EFCAB6: variants seen among roughly 807,000 people sequenced by gnomAD.
EFCAB6 encodes the protein EF-hand calcium-binding domain-containing protein 6.
Under a neutral mutation model 169.8 loss-of-function variants are expected in EFCAB6, and 156 were observed. That is an observed-to-expected ratio of 0.92 (90% CI 0.81 to 1.05). The LOEUF is 1.05. EFCAB6 is among the 50% of genes least tolerant of loss of function. EFCAB6 has a pLI of 0.00. For missense variants in EFCAB6, 1,800 were observed against 1,829.1 expected, an observed-to-expected ratio of 0.98 and a Z score of 0.29; for synonymous variants, 698 against 676.4, an observed-to-expected ratio of 1.03 and a Z score of -0.50.
At chr22:43,569,525 A>G (rs2049695529) in intron 26 of EFCAB6, among the ~76,000 whole-genome samples, 1 of 152,200 alleles carries the variant, frequency 6.6e-6, no homozygotes, top group Admixed American at 6.5e-5. Flanking sequence ...TGAGGAGGAG[A>G]AGTGGATGCA....
At chr22:43,620,433 A>G (rs1390398663) in intron 20 of EFCAB6, among the ~76,000 whole-genome samples, 2 of 152,074 alleles carry the variant, frequency 1.3e-5, no homozygotes, top group Non-Finnish European at 2.9e-5. Context: ...CCAGAAGACC[A>G]TGGAACAACA....
intron 20 of EFCAB6, among the ~76,000 whole-genome samples, chr22:43,619,204 A>G (rs2053956796): frequency 2.0e-5 from 3 of 152,300 alleles, no homozygotes; most frequent in East Asian, 1.9e-4. Flanking sequence ...ACTGACTTCT[A>G]GGTGGTGCAC....
At position 43,610,138 on chromosome 22, in the gene EFCAB6, A is replaced by C. The variant is rs760041030; in HGVS notation, c.2563-1538T>G. Among the ~76,000 whole-genome samples the C allele has an allele frequency of 1.8e-4, 28 of 152,232 alleles. 1 individual carries two copies. Among genetic ancestry groups the C allele is most frequent in the Middle Eastern group, 3.4e-3 (1 of 294 alleles). ...TGACTCCAGAGTAGAATTCTTAAAC[A>C]AGATCTACAGAGAGATGTTAGTAAA... is the stretch of plus-strand genomic sequence containing the variant. On this transcript the variant is annotated intron_variant, in intron 21 of 31. Coordinates refer to ENST00000262726, the MANE Select transcript of EFCAB6 (RefSeq NM_022785.4).
chr22:43,715,387 T>C (rs912905935), intron 9 of EFCAB6, among the ~76,000 whole-genome samples: 4 of 152,168 alleles, frequency 2.6e-5, no homozygotes, highest in Non-Finnish European at 5.9e-5. Flanking sequence ...GCGCTGCTCA[T>C]GGGGTTGCTG....
chr22:43,794,228 G>A (rs16991015), intron 2 of EFCAB6, among the ~76,000 whole-genome samples: 4,955 of 152,220 alleles, frequency 0.033, 175 homozygotes, highest in African/African-American at 0.087. Context: ...AAAGCCAGCC[G>A]CAAACATTAC....
intron 4 of EFCAB6, among the ~76,000 whole-genome samples, chr22:43,771,060 G>A (rs2061453418): frequency 6.6e-6 from 1 of 152,174 alleles, no homozygotes; most frequent in Non-Finnish European, 1.5e-5. Context: ...ACAGTGGGTT[G>A]TAGTACACAG....
At chr22:43,731,526 T>C (rs1434202938) in intron 8 of EFCAB6, among the ~76,000 whole-genome samples, 173 bp downstream of exon 8, 2 of 152,238 alleles carry the variant, frequency 1.3e-5, no homozygotes, top group African/African-American at 4.8e-5. Context: ...CATTTAGCCT[T>C]TTCCTATTCT....
intron 17 of EFCAB6, among the ~76,000 whole-genome samples, chr22:43,665,727 G>A (rs2057216694): frequency 6.6e-6 from 1 of 152,190 alleles, no homozygotes; most frequent in Non-Finnish European, 1.5e-5. Context: ...CTGGTTATCG[G>A]CCACCTGGTC....
At chr22:43,600,632 C>A (rs1254959942) in intron 22 of EFCAB6, among the ~76,000 whole-genome samples, 1 of 149,936 alleles carries the variant, frequency 6.7e-6, no homozygotes, top group African/African-American at 2.5e-5. Context: ...GTCAACCCCT[C>A]CATACGTTTA....
intron 26 of EFCAB6, among the ~76,000 whole-genome samples, chr22:43,571,812 T>C (rs1164376565): frequency 1.3e-5 from 2 of 152,178 alleles, no homozygotes; most frequent in Non-Finnish European, 2.9e-5. Context: ...CGGTCACCCC[T>C]TGCTCCACGG....
intron 26 of EFCAB6, among the ~76,000 whole-genome samples, chr22:43,558,481 G>A (rs2048838459): frequency 6.6e-6 from 1 of 152,066 alleles, no homozygotes; most frequent in Admixed American, 6.5e-5. Flanking sequence ...AAGGATTGTG[G>A]CAACCCTGTG....
intron 2 of EFCAB6, among the ~76,000 whole-genome samples, chr22:43,807,942 G>T (rs1033030750): frequency 3.3e-5 from 5 of 152,096 alleles, no homozygotes; most frequent in African/African-American, 1.2e-4. Flanking sequence ...CAGGCATAGG[G>T]TCAAACTGGC....
intron 20 of EFCAB6, among the ~76,000 whole-genome samples, chr22:43,623,528 T>G (rs2147800621): frequency 6.6e-6 from 1 of 152,230 alleles, no homozygotes; most frequent in Admixed American, 6.5e-5. Context: ...TATTGTGTTT[T>G]TATGATACAG....
intron 24 of EFCAB6, among the ~76,000 whole-genome samples, chr22:43,588,908 C>G (rs1366709583): frequency 2.6e-5 from 4 of 151,862 alleles, no homozygotes; most frequent in Admixed American, 6.6e-5. Flanking sequence ...GAATGTGGAG[C>G]AAACCAAAAC....
At chr22:43,738,504 C>G (rs943538802) in intron 6 of EFCAB6, among the ~76,000 whole-genome samples, 1 of 146,804 alleles carries the variant, frequency 6.8e-6, no homozygotes, top group African/African-American at 2.6e-5. Flanking sequence ...CACATATACT[C>G]ACACACACCA....
chr22:43,637,578 G>A (rs968578035), intron 17 of EFCAB6, among the ~76,000 whole-genome samples: 1 of 152,232 alleles, frequency 6.6e-6, no homozygotes, highest in Non-Finnish European at 1.5e-5. Context: ...TGAGAAAAAA[G>A]GGAAGGGATG....
At chr22:43,623,711 T>C (rs79175463) in intron 20 of EFCAB6, among the ~76,000 whole-genome samples, 31,444 of 132,380 alleles carry the variant, frequency 0.24, 3,708 homozygotes, top group Middle Eastern at 0.35. Context: ...CTGGCTAACA[T>C]AGTGAAACCC....
chr22:43,631,472 G>C (rs1485773171), intron 19 of EFCAB6, among the ~76,000 whole-genome samples: 1 of 152,010 alleles, frequency 6.6e-6, no homozygotes, highest in Non-Finnish European at 1.5e-5. Context: ...GCCTGGCTCA[G>C]GCTGCCTCAT....
intron 4 of EFCAB6, 58 bp from the exon 5 acceptor site, chr22:43,765,451 C>T (rs547407496): frequency 8.2e-5 from 109 of 1,335,456 alleles, no homozygotes; most frequent in Middle Eastern, 1.8e-4. Context: ...AAGCAATAGA[C>T]GGTAAAGCAG....
Sources: allele counts gnomAD v4.1 joint callset (sites outside exome capture counted in the v4.1 genomes callset), GRCh38; gene constraint gnomAD v4.1.1; transcripts MANE v1.5; gene names NCBI Gene and HGNC (gene_info 2026-07-23, HGNC 2026-07-21).